CHST11: variants seen among roughly 807,000 people sequenced by gnomAD.
CHST11 encodes C4S-1.
In CHST11, 9 loss-of-function variants were observed where a neutral mutation model predicts 30.4. That is an observed-to-expected ratio of 0.30 (90% CI 0.18 to 0.52). CHST11 has a LOEUF of 0.52. CHST11 is among the 20% of genes least tolerant of loss of function. CHST11 has a pLI of 0.97. For missense variants in CHST11, 348 were observed against 460.6 expected, an observed-to-expected ratio of 0.76 and a Z score of 2.24; for synonymous variants, 152 against 187.8, an observed-to-expected ratio of 0.81 and a Z score of 1.56.
chr12:104,674,758 C>G (rs937654557), intron 2 of CHST11, among the ~76,000 whole-genome samples: 13 of 151,126 alleles, frequency 8.6e-5, no homozygotes, highest in African/African-American at 2.7e-4. Flanking sequence ...AGATTTTTCT[C>G]TCACTGGTTT....
intron 1 of CHST11, among the ~76,000 whole-genome samples, chr12:104,494,364 A>C (rs1483101826): frequency 6.6e-6 from 1 of 152,140 alleles, no homozygotes; most frequent in Non-Finnish European, 1.5e-5. Context: ...CCACCACATC[A>C]CATGTCACTG....
At chr12:104,743,053 C>T (rs540780163) in intron 2 of CHST11, among the ~76,000 whole-genome samples, 6 of 152,302 alleles carry the variant, frequency 3.9e-5, no homozygotes, top group African/African-American at 4.8e-5. Flanking sequence ...TCTTGTGACC[C>T]GAACAATCCC....
chr12:104,621,722 G>GGAAC (rs2039160711), intron 2 of CHST11, among the ~76,000 whole-genome samples: 1 of 152,226 alleles, frequency 6.6e-6, no homozygotes, highest in Non-Finnish European at 1.5e-5. Flanking sequence ...GCCTCCAGAA[G>GGAAC]GAACGCAAGC....
chr12:104,727,127 A>C (rs2040222964), intron 2 of CHST11, among the ~76,000 whole-genome samples: 1 of 151,632 alleles, frequency 6.6e-6, no homozygotes, highest in African/African-American at 2.4e-5. Flanking sequence ...TGGTGCACTC[A>C]TGGCAATGGC....
intron 2 of CHST11, among the ~76,000 whole-genome samples, chr12:104,627,804 G>A (rs1478185313): frequency 6.6e-6 from 1 of 152,210 alleles, no homozygotes; most frequent in Admixed American, 6.5e-5. Flanking sequence ...GATGGTGGTG[G>A]TGGAGGATGA....
chr12:104,585,136 A>G (rs917036772), intron 1 of CHST11, among the ~76,000 whole-genome samples: 3 of 152,256 alleles, frequency 2.0e-5, no homozygotes, highest in Non-Finnish European at 2.9e-5. Context: ...TACTGCAGGC[A>G]TGCCTTTCCT....
chr12:104,504,297 C>T (rs958878427), intron 1 of CHST11, among the ~76,000 whole-genome samples: 18 of 152,304 alleles, frequency 1.2e-4, no homozygotes, highest in East Asian at 9.7e-4. Context: ...CCAGCTTGGT[C>T]GAGCTGTGTT....
At chr12:104,725,661 C>A (rs1212544044) in intron 2 of CHST11, among the ~76,000 whole-genome samples, 2 of 151,970 alleles carry the variant, frequency 1.3e-5, no homozygotes, top group Non-Finnish European at 2.9e-5. Flanking sequence ...AAGTTCTAAG[C>A]CCCTAACTCA....
At chr12:104,710,562 C>A (rs1194727069) in intron 2 of CHST11, among the ~76,000 whole-genome samples, 1 of 152,144 alleles carries the variant, frequency 6.6e-6, no homozygotes, top group Non-Finnish European at 1.5e-5. Context: ...TGGAGCAAGG[C>A]CCCCTCTGGT....
intron 1 of CHST11, chr12:104,514,013 A>G (rs2037995948): frequency 1.3e-6 from 1 of 754,362 alleles, no homozygotes; most frequent in African/African-American, 1.7e-5. Context: ...GGGCAGTGGG[A>G]GTGCAGACTT....
At chr12:104,643,636 T>TCA (rs34979854) in intron 2 of CHST11, among the ~76,000 whole-genome samples, 79,945 of 150,426 alleles carry the variant, frequency 0.53, 21,380 homozygotes, top group African/African-American at 0.63. Flanking sequence ...GACTTTTTCT[T>TCA]CACACACACA....
chr12:104,641,366 G>A (rs774716088), intron 2 of CHST11, among the ~76,000 whole-genome samples: 13 of 152,090 alleles, frequency 8.5e-5, no homozygotes, highest in Non-Finnish European at 1.8e-4. Flanking sequence ...CACTTCTTCC[G>A]GGGCTTCAGG....
chr12:104,522,527 A>G (rs939635404), intron 1 of CHST11, among the ~76,000 whole-genome samples: 2 of 152,180 alleles, frequency 1.3e-5, no homozygotes, highest in African/African-American at 4.8e-5. Flanking sequence ...GTACTTTAAA[A>G]TAATCCCAGC....
At chr12:104,753,310 T>A (rs930896845) in intron 2 of CHST11, among the ~76,000 whole-genome samples, 3 of 152,178 alleles carry the variant, frequency 2.0e-5, no homozygotes, top group Non-Finnish European at 4.4e-5. Flanking sequence ...AAAATGGAGA[T>A]CCTAATAATC....
chr12:104,477,176 T>G (rs1467810410), intron 1 of CHST11, among the ~76,000 whole-genome samples: 1 of 152,138 alleles, frequency 6.6e-6, no homozygotes, highest in African/African-American at 2.4e-5. Flanking sequence ...AAAGATACAT[T>G]TTCACTGCTA....
chr12:104,592,091 C>T (rs542942017), intron 1 of CHST11, among the ~76,000 whole-genome samples: 3 of 150,884 alleles, frequency 2.0e-5, no homozygotes, highest in Admixed American at 1.3e-4. Flanking sequence ...CACCTCCTCC[C>T]CTCCCCTCCC....
intron 2 of CHST11, among the ~76,000 whole-genome samples, chr12:104,719,882 G>A (rs17036283): frequency 0.04 from 6,126 of 152,228 alleles, 370 homozygotes; most frequent in East Asian, 0.23. Flanking sequence ...CTGCTTCTAC[G>A]TAACAATCCA....
intron 2 of CHST11, among the ~76,000 whole-genome samples, chr12:104,638,293 T>G (rs557875810): frequency 1.1e-4 from 17 of 148,102 alleles, no homozygotes; most frequent in Non-Finnish European, 2.4e-4. Context: ...AGACTTTCAT[T>G]TTGTATATGT....
chr12:104,670,081 G>T (rs2039675764), intron 2 of CHST11, among the ~76,000 whole-genome samples: 1 of 152,250 alleles, frequency 6.6e-6, no homozygotes, highest in Admixed American at 6.5e-5. Context: ...GACAGAGGCG[G>T]AAGCTTGCCA....
Sources: gnomAD v4.1 joint callset for allele counts (sites outside exome capture counted in the v4.1 genomes callset) on GRCh38, gnomAD v4.1.1 for gene constraint, MANE v1.5 for transcripts, NCBI Gene and HGNC (gene_info 2026-07-23, HGNC 2026-07-21) for gene names.